Variants in ADAM11 observed in about 807,000 individuals in gnomAD.
The protein encoded by ADAM11 is ADAM metallopeptidase domain 11.
ADAM11 carries 49 observed loss-of-function variants against 119.1 expected under a neutral mutation model. The ratio of observed to expected loss-of-function variants is 0.41; its 90% confidence interval spans 0.33 to 0.52. The LOEUF (loss-of-function observed/expected upper bound fraction) is 0.52. Among genes scored for constraint, ADAM11 ranks in the 20% least tolerant of loss-of-function variants. The pLI is 0.20. For missense variants in ADAM11, 777 were observed against 1,047.5 expected (o/e 0.74, Z 3.56); for synonymous variants, 364 against 408.0 (o/e 0.89, Z 1.30).
intron 14 of ADAM11, 76 bp downstream of exon 14, chr17:44,774,825 G>A: frequency 6.5e-7 from 1 of 1,542,238 alleles, no homozygotes; most frequent in Non-Finnish European, 8.7e-7. Flanking sequence ...TGGCAGTCTG[G>A]ACCAGGGGGC....
In ADAM11 at chr17:44,774,504, G is replaced by C. The variant is rs1366666338; in HGVS notation, c.1090G>C (p.Gly364Arg). The C allele has an allele frequency of 6.2e-7, 1 of 1,613,102 alleles. No homozygotes were observed. The highest frequency in any genetic ancestry group is 1.7e-5 in the Admixed American group (1 of 59,948). Residue 364 changes from glycine (G) to arginine (R), a missense_variant, in exon 13 of 27, where the codon GGG (glycine) becomes CGG (arginine). By Grantham distance (125) the Gly-to-Arg change is moderately radical. This residue lies in a region of ADAM11 where 147 missense variants were observed against 223.3 expected (regional missense o/e 0.66). Transcript: ENST00000200557. ...GGGVNEYGNM[G>R]AMAVTLAQTL... The stretch of plus-strand genomic sequence containing the variant: ...TCCCCACCCCCAGTACGGCAACATG[G>C]GGGCGATGGCCGTGACCCTTGCCCA...
At chr17:44,762,067 G>C (rs2049396182) in intron 2 of ADAM11, among the ~76,000 whole-genome samples, 1 of 152,064 alleles carries the variant, frequency 6.6e-6, no homozygotes, top group African/African-American at 2.4e-5. Flanking sequence ...CAGGTGATCT[G>C]CCCACCTCGG....
Position 44,775,567 on chromosome 17 carries a change from C to A in ADAM11, c.1393-17C>A, listed in dbSNP as rs1282490465. 6 of 1,561,778 alleles carry A rather than the reference C, an allele frequency of 3.8e-6. No homozygotes were observed. The highest frequency in any genetic ancestry group is 5.2e-6 in the Non-Finnish European group (6 of 1,155,888). ...TAGGGCTCGCCCGCCTCCTTCCCCT[C>A]CTCCCGCGTCCCTCAGGAGTGCAGC... On this transcript the variant is annotated splice_polypyrimidine_tract_variant and intron_variant, in intron 16 of 26. Coordinates refer to ENST00000200557, the MANE Select transcript of ADAM11 (RefSeq NM_002390.6). This position sits in a 1 kb window ranked among gnomAD's most constrained non-coding sequence, Gnocchi z 7.5.
chr17:44,764,620 G>T (rs1356204566), intron 2 of ADAM11, among the ~76,000 whole-genome samples: 1 of 152,162 alleles, frequency 6.6e-6, no homozygotes, highest in Non-Finnish European at 1.5e-5. Flanking sequence ...GAGGCTGCAC[G>T]CTGTGGCTTT....
Position 44,780,533 on chromosome 17 carries a change from A to G in ADAM11, c.*779A>G. 9.2e-6 allele frequency: 2 copies of G among 218,540 alleles called. No homozygotes were observed. Among genetic ancestry groups the G allele is most frequent in the South Asian group, 1.1e-4 (2 of 17,926 alleles). The allele number at this position is 218,540 out of a possible 1,614,324, so 13.5% of individuals were successfully genotyped here. On this transcript the variant is annotated 3_prime_UTR_variant, in exon 27 of 27. Transcript: ENST00000200557. ...AAACAACCGTCCTGCTGTCCCTGTCAGGACACATGGATTTTGGCAGGGCGG... is the reference window on the plus strand; with the variant it reads ...AAACAACCGTCCTGCTGTCCCTGTCGGGACACATGGATTTTGGCAGGGCGG...
Position 44,777,527 on chromosome 17 carries a change from T to C in ADAM11, c.1827T>C (p.Ala609=), listed in dbSNP as rs763785536. Residue 609 remains alanine, a synonymous_variant, in exon 22 of 27, where the codon GCT becomes GCC. Coordinates refer to ENST00000200557, the MANE Select transcript of ADAM11 (RefSeq NM_002390.6). The surrounding 1 kb of genome is among the most constrained non-coding windows in gnomAD (Gnocchi z 5.1). The part of the protein sequence containing the change: ...GFLLCVNISG[A]PRLGDLVGDI... The stretch of plus-strand genomic sequence containing the variant: ...TCCTCTGTGTCAACATCTCTGGAGC[T>C]CCTCGGCTAGGGGACCTGGTGGGAG... The C allele has an allele frequency of 6.2e-6, 10 of 1,614,032 alleles. No homozygotes were observed. Among genetic ancestry groups the C allele is most frequent in the Non-Finnish European group, 8.5e-6 (10 of 1,180,034 alleles).
In ADAM11 at chr17:44,771,623, G is replaced by A; in HGVS notation, c.421G>A (p.Gly141Arg). 6.2e-7 allele frequency: 1 copy of A among 1,611,876 alleles called. No homozygotes were observed. Among genetic ancestry groups the A allele is most frequent in the Non-Finnish European group, 8.5e-7 (1 of 1,179,460 alleles). Residue 141 changes from glycine to arginine, a missense_variant, in exon 5 of 27, where the codon GGG becomes AGG. Physicochemically the swap from Gly to Arg is moderately radical, Grantham distance 125. Coordinates refer to ENST00000200557, the MANE Select transcript of ADAM11 (RefSeq NM_002390.6). ...DHCYYQGKLR[G>R]NPHSFAALST... ...CTGCTACTACCAGGGGAAGCTCCGG[G>A]GGAACCCGCACTCCTTCGCCGCCCT...
rs986474820 is a variant in ADAM11 at position 44,773,359 on chromosome 17, C to G, written c.924C>G (p.Thr308=). The change falls in exon 11 of 27, where the codon ACC becomes ACG. Residue 308 remains threonine (T), a synonymous_variant. Coordinates refer to ENST00000200557, the MANE Select transcript of ADAM11 (RefSeq NM_002390.6). The surrounding 1 kb of genome is among the most constrained non-coding windows in gnomAD (Gnocchi z 4.6). ...AGGTGCAGGATGACCTCCTGGAGAC[C>G]CTGGCCCGGCTCATGGTCTACCGAC... ...KIQVQDDLLE[T]LARLMVYRRE... is the part of the protein sequence containing the mutation. 7.4e-6 allele frequency: 12 copies of G among 1,613,888 alleles called. No homozygotes were observed. In the African/African-American group the frequency reaches 1.6e-4, roughly 22 times the overall value.
chr17:44,772,116 G>T lies in ADAM11; in HGVS notation c.544-151G>T, dbSNP rs1567691628. On this transcript the variant is annotated intron_variant, in intron 6 of 26. Transcript: ENST00000200557. The surrounding 1 kb of genome is among the most constrained non-coding windows in gnomAD (Gnocchi z 4.5). Reference sequence around the variant, plus strand: ...CCCAGGTCTTGACCCCGGAATCTGAGCATCTGGGAGATCAGATCCGACATG... The same window carrying T: ...CCCAGGTCTTGACCCCGGAATCTGATCATCTGGGAGATCAGATCCGACATG... The T allele has an allele frequency of 9.6e-6, 8 of 835,234 alleles. No homozygotes were observed. Among genetic ancestry groups the T allele is most frequent in the Non-Finnish European group, 1.5e-5 (8 of 534,652 alleles). 51.7% of individuals were successfully genotyped at this position (835,234 alleles called of 1,614,324 possible).
At chr17:44,761,175 T>A (rs1295643016) in intron 2 of ADAM11, among the ~76,000 whole-genome samples, 1 of 123,124 alleles carries the variant, frequency 8.1e-6, no homozygotes. Flanking sequence ...GTGCACCCCG[T>A]GGTTACACTG....
chr17:44,775,965 G>T lies in ADAM11; in HGVS notation c.1486-162G>T, dbSNP rs114744336. Among the ~76,000 whole-genome samples, 1 of 151,966 alleles carries T rather than the reference G, an allele frequency of 6.6e-6. No homozygotes were observed. The highest frequency in any genetic ancestry group is 1.5e-5 in the Non-Finnish European group (1 of 67,988). On this transcript the variant is annotated intron_variant, in intron 17 of 26. Transcript: ENST00000200557. The surrounding 1 kb of genome is among the most constrained non-coding windows in gnomAD (Gnocchi z 7.5). ...GTGCGCTGGGAGCGAGGTGGGGAGC[G>T]TTCAAGAGGTGGTGGGAGCAGGGAA...
At position 44,776,661 on chromosome 17, in the gene ADAM11, T is replaced by G; in HGVS notation, c.1567-84T>G. 2.0e-6 allele frequency: 3 copies of G among 1,522,828 alleles called. No individual in the cohort carries two copies. Among genetic ancestry groups the G allele is most frequent in the Non-Finnish European group, 2.7e-6 (3 of 1,113,224 alleles). 94.3% of individuals were successfully genotyped at this position (1,522,828 alleles called of 1,614,324 possible). On this transcript the variant is annotated intron_variant, in intron 18 of 26. Transcript: ENST00000200557. This position sits in a 1 kb window ranked among gnomAD's most constrained non-coding sequence, Gnocchi z 5.2. The stretch of plus-strand genomic sequence containing the variant: ...GGCATGAGCCCCCAATGGGGGGCAC[T>G]TGGTACCCCAGCATTCCTCCCTGGG...
intron 6 of ADAM11, 23 bp downstream of exon 6, chr17:44,771,854 C>A (rs987475069): frequency 2.5e-6 from 4 of 1,590,706 alleles, no homozygotes; most frequent in Non-Finnish European, 3.4e-6. Context: ...CAACCCCTTG[C>A]CATCCTCTCT....
Position 44,772,373 on chromosome 17 carries a change from C to T in ADAM11, c.611-26C>T, listed in dbSNP as rs1227747247. ...GGGGGGTGGGGAGGGGCCGGCTGTG[C>T]CCCCCTCACCTGCCCCTCCCCACAG... On this transcript the variant is annotated intron_variant, in intron 7 of 26. Transcript: ENST00000200557. The surrounding 1 kb of genome is among the most constrained non-coding windows in gnomAD (Gnocchi z 4.5). 6 of 1,578,590 alleles carry T rather than the reference C, an allele frequency of 3.8e-6. No homozygotes were observed. Among genetic ancestry groups the T allele is most frequent in the East Asian group, 2.3e-5 (1 of 43,240 alleles).
At position 44,772,741 on chromosome 17, in the gene ADAM11, C is replaced by A; in HGVS notation, c.679-116C>A. The A allele has an allele frequency of 1.0e-6, 1 of 993,874 alleles. No individual in the cohort carries two copies. The highest frequency in any genetic ancestry group is 1.5e-6 in the Non-Finnish European group (1 of 654,056). The allele number at this position is 993,874 out of a possible 1,614,324, so 61.6% of individuals were successfully genotyped here. A position where few individuals can be genotyped will look rare whatever the true frequency, so the allele number is the denominator to read the frequency against. On this transcript the variant is annotated intron_variant, in intron 8 of 26. Transcript: ENST00000200557. The surrounding 1 kb of genome is among the most constrained non-coding windows in gnomAD (Gnocchi z 4.5). ...GGACCCTCTGCCAGTGGGGAGCTGG[C>A]ACTGTCCCTGGCTGGAGTCCAGACC...
intron 2 of ADAM11, among the ~76,000 whole-genome samples, chr17:44,766,937 G>GCTCAAGTCTGTAATCCGT (rs1392540800): frequency 6.6e-6 from 1 of 152,036 alleles, no homozygotes; most frequent in African/African-American, 2.4e-5. Context: ...GGACATGGAG[G>GCTCAAGTCTGTAATCCGT]CTCAAGTCTG....
At position 44,780,395 on chromosome 17, in the gene ADAM11, C is replaced by T. The variant is rs560422685; in HGVS notation, c.*641C>T. On this transcript the variant is annotated 3_prime_UTR_variant, in exon 27 of 27. Transcript: ENST00000200557. Reference sequence around the variant, plus strand: ...ATCCCAGCTTGCCCCCGCTTAGCCCCGCTGAGCTTGGAGGAAGTATGAGTG... The same window carrying T: ...ATCCCAGCTTGCCCCCGCTTAGCCCTGCTGAGCTTGGAGGAAGTATGAGTG... The T allele has an allele frequency of 1.4e-4, 47 of 336,660 alleles. No homozygotes were observed. Among genetic ancestry groups the T allele is most frequent in the African/African-American group, 8.3e-4 (38 of 45,998 alleles). 20.9% of individuals were successfully genotyped at this position (336,660 alleles called of 1,614,324 possible). A position where few individuals can be genotyped will look rare whatever the true frequency, so the allele number is the denominator to read the frequency against.
chr17:44,764,577 C>G (rs916315122), intron 2 of ADAM11, among the ~76,000 whole-genome samples: 2 of 152,138 alleles, frequency 1.3e-5, no homozygotes, highest in Non-Finnish European at 2.9e-5. Flanking sequence ...CTCTGCCATG[C>G]CAGAGAGTTC....
chr17:44,772,997 ATTC>A lies in ADAM11; in HGVS notation c.754-12_754-10del, dbSNP rs768012067. 48 of 1,613,850 alleles carry A rather than the reference ATTC, an allele frequency of 3.0e-5. No individual in the cohort carries two copies. The South Asian group carries it at 5.3e-4, about 18-fold the overall frequency. On this transcript the variant is annotated splice_polypyrimidine_tract_variant and intron_variant, in intron 9 of 26. Coordinates refer to ENST00000200557, the MANE Select transcript of ADAM11 (RefSeq NM_002390.6). This position sits in a 1 kb window ranked among gnomAD's most constrained non-coding sequence, Gnocchi z 4.5. Reference sequence around the variant, plus strand: ...CCCTGAGGAGCCTGGCCCTCCTCCCATTCTTCTCTCTCCCAGTTCGAGCAGATG... The same window carrying A: ...CCCTGAGGAGCCTGGCCCTCCTCCCATTCTCTCTCCCAGTTCGAGCAGATG...
Sources: allele counts gnomAD v4.1 joint callset (sites outside exome capture counted in the v4.1 genomes callset), GRCh38; gene constraint gnomAD v4.1.1; regional missense constraint gnomAD v4.1.1; non-coding constraint Gnocchi (gnomAD v3.1); transcripts MANE v1.5; gene names NCBI Gene and HGNC (gene_info 2026-07-23, HGNC 2026-07-21).